The following ARAP2 variants were observed in gnomAD, a reference collection of about 807,000 sequenced individuals.
ARAP2 encodes the protein ArfGAP with RhoGAP domain, ankyrin repeat and PH domain 2, also known as arf-GAP with Rho-GAP domain, ANK repeat and PH domain-containing protein 2.
ARAP2 carries 148 observed loss-of-function variants against 194.5 expected under a neutral mutation model. The ratio of observed to expected loss-of-function variants is 0.76; its 90% CI spans 0.67 to 0.87. ARAP2 has a LOEUF of 0.87. ARAP2 is among the 40% of genes least tolerant of loss of function. The probability of loss-of-function intolerance (pLI) is 0.00; values close to 1 mark genes in which losing one functional copy is unlikely to be tolerated. For synonymous variants in ARAP2, 695 were observed against 683.5 expected (o/e 1.02, Z -0.26); for missense variants, 2,128 against 1,989.7 (o/e 1.07, Z -1.32).
intron 5 of ARAP2, among the ~76,000 whole-genome samples, chr4:36,022,536 A>T (rs181001087): frequency 6.6e-6 from 1 of 152,108 alleles, no homozygotes; most frequent in Non-Finnish European, 1.5e-5. Context: ...TTACATTTAC[A>T]TGAAGGTGAA....
chr4:36,117,189 T>C (rs2109520418), intron 24 of ARAP2, 54 bp from the exon 25 acceptor site: 3 of 1,285,322 alleles, frequency 2.3e-6, no homozygotes, highest in Admixed American at 5.1e-5. Flanking sequence ...TAAAAACACA[T>C]ATTTGAAACT....
At chr4:36,178,039 C>T (rs754715361) in intron 8 of ARAP2, 34 bp from the exon 9 acceptor site, 2 of 1,545,022 alleles carry the variant, frequency 1.3e-6, no homozygotes, top group Non-Finnish European at 1.7e-6. Context: ...TACATAAATC[C>T]ACATATAAGT....
intron 5 of ARAP2, among the ~76,000 whole-genome samples, chr4:36,027,223 T>C (rs1510658): frequency 0.74 from 112,147 of 151,970 alleles, 42,290 homozygotes; most frequent in Admixed American, 0.85. Flanking sequence ...GTAGGTACCA[T>C]ATATTATCAT....
chr4:36,235,110 C>G (rs960565300), intron 1 of ARAP2, among the ~76,000 whole-genome samples: 2 of 152,168 alleles, frequency 1.3e-5, no homozygotes, highest in African/African-American at 2.4e-5. Context: ...CACTACCTAT[C>G]TACCCTGCTC....
intron 1 of ARAP2, among the ~76,000 whole-genome samples, chr4:36,240,794 A>T (rs1026854197): frequency 6.6e-6 from 1 of 152,162 alleles, no homozygotes; most frequent in Non-Finnish European, 1.5e-5. Flanking sequence ...TGTTTTGATT[A>T]TTTTACTTAT....
Position 36,147,354 on chromosome 4 carries a change from T to C in ARAP2, c.3205A>G (p.Ser1069Gly). The change falls in exon 19 of 33, where the codon AGC becomes GGC. Residue 1069 changes from serine to glycine, a missense_variant. Transcript: ENST00000303965. ...HLRRLQELTISTMVQNGEKLD... is the reference protein window; with the variant it reads ...HLRRLQELTIGTMVQNGEKLD... ...TTTTCCCCATTTTGAACCATTGTGC[T>C]GATTGCTGAAGGGAGAATGAAAAGC... The C allele has an allele frequency of 6.2e-7, 1 of 1,613,050 alleles. No individual in the cohort carries two copies. Among genetic ancestry groups the C allele is most frequent in the Non-Finnish European group, 8.5e-7 (1 of 1,179,348 alleles).
intron 20 of ARAP2, among the ~76,000 whole-genome samples, chr4:36,131,093 C>A (rs1198915085): frequency 1.3e-5 from 2 of 151,718 alleles, no homozygotes; most frequent in African/African-American, 4.8e-5. Flanking sequence ...ACCCACAGGT[C>A]AGGGGGTTCA....
intron 5 of ARAP2, among the ~76,000 whole-genome samples, chr4:36,030,512 G>T (rs1268414758): frequency 1.3e-5 from 2 of 151,666 alleles, no homozygotes; most frequent in African/African-American, 4.8e-5. Context: ...GGATTGTTTT[G>T]TTTTTCTTCT....
rs1386121529 is a variant in ARAP2 at position 36,136,781 on chromosome 4, A to ATG, written c.3264-3393_3264-3392insCA. Among the ~76,000 whole-genome samples the ATG allele has an allele frequency of 3.5e-3, 371 of 106,604 alleles. 2 individuals are homozygous for ATG. The highest frequency in any genetic ancestry group is 0.017 in the African/African-American group (346 of 20,854). The allele number at this position is 106,604 out of a possible 152,430, so 69.9% of individuals were successfully genotyped here. A position where few individuals can be genotyped will look rare whatever the true frequency, so the allele number is the denominator to read the frequency against. On this transcript the variant is annotated intron_variant, in intron 19 of 32. Transcript: ENST00000303965. Reference sequence around the variant, plus strand: ...CCACAAACCAGTCTAAGAATCAAATATATGTGTGTGTGTGTGTGTGTGTGT... The same window carrying ATG: ...CCACAAACCAGTCTAAGAATCAAATATGTATGTGTGTGTGTGTGTGTGTGTGT...
intron 19 of ARAP2, among the ~76,000 whole-genome samples, chr4:36,143,647 A>C (rs2109679564): frequency 6.6e-6 from 1 of 151,920 alleles, no homozygotes. Context: ...AAAAAGGAAA[A>C]GCAAGTAAAC....
chr4:36,014,264 A>AGAAAGAAAGAAAGAAAGAAAGAAAGAAAG, intron 8 of ARAP2, among the ~76,000 whole-genome samples: 1 of 146,012 alleles, frequency 6.8e-6, no homozygotes, highest in African/African-American at 2.6e-5. Flanking sequence ...AAAGAAAGAA[A>AGAAAGAAAGAAAGAAAGAAAGAAAGAAAG]GAAAGAAAGA....
intron 10 of ARAP2, 63 bp downstream of exon 10, chr4:36,166,869 A>C: frequency 1.0e-6 from 1 of 965,428 alleles, no homozygotes; most frequent in Non-Finnish European, 1.5e-6. Flanking sequence ...CGAACAACAT[A>C]AAGGTGGATC....
intron 3 of ARAP2, among the ~76,000 whole-genome samples, 187 bp from the exon 4 acceptor site, chr4:36,213,506 C>A (rs1343995510): frequency 2.0e-5 from 3 of 152,116 alleles, no homozygotes; most frequent in Non-Finnish European, 4.4e-5. Context: ...TGATATAACA[C>A]ACATGGTATC....
chr4:36,149,208 A>C (rs1296869176), intron 16 of ARAP2, among the ~76,000 whole-genome samples: 1 of 152,092 alleles, frequency 6.6e-6, no homozygotes, highest in Non-Finnish European at 1.5e-5. Flanking sequence ...AGCCTGTTGT[A>C]TCCCCTTCAT....
intron 28 of ARAP2, among the ~76,000 whole-genome samples, chr4:36,089,699 T>C (rs904567051): frequency 1.3e-5 from 2 of 152,144 alleles, no homozygotes; most frequent in African/African-American, 2.4e-5. Flanking sequence ...TTGAACACTT[T>C]TGAATCAATG....
chr4:36,087,894 T>C (rs1401198719), intron 28 of ARAP2, among the ~76,000 whole-genome samples: 1 of 152,108 alleles, frequency 6.6e-6, no homozygotes, highest in East Asian at 1.9e-4. Context: ...GCTTACTGTG[T>C]ATGTGATTTT....
At chr4:36,134,324 C>A (rs951949162) in intron 19 of ARAP2, among the ~76,000 whole-genome samples, 2 of 151,688 alleles carry the variant, frequency 1.3e-5, no homozygotes, top group Admixed American at 6.6e-5. Context: ...TTTCCACGTA[C>A]CCCACGAGAA....
At chr4:36,096,232 G>A (rs543706494) in intron 27 of ARAP2, among the ~76,000 whole-genome samples, 12 of 151,734 alleles carry the variant, frequency 7.9e-5, no homozygotes, top group Admixed American at 5.9e-4. Flanking sequence ...AGGCGTGGTG[G>A]TGTGCCACTG....
chr4:36,090,898 A>G (rs1237621707), intron 28 of ARAP2, among the ~76,000 whole-genome samples: 11 of 152,160 alleles, frequency 7.2e-5, no homozygotes, highest in African/African-American at 2.4e-4. Flanking sequence ...TCCTGAACTT[A>G]AAAACCAAAA....
Sources: allele counts gnomAD v4.1 joint callset (sites outside exome capture counted in the v4.1 genomes callset), GRCh38; gene constraint gnomAD v4.1.1; transcripts MANE v1.5; gene names NCBI Gene and HGNC (gene_info 2026-07-23, HGNC 2026-07-21).